Variants in TBX15 observed in about 807,000 individuals in gnomAD.
The protein encoded by TBX15 is T-box transcription factor 15.
TBX15 carries 18 observed loss-of-function variants against 53.9 expected under a neutral mutation model. The ratio of observed to expected loss-of-function variants is 0.33; its 90% CI spans 0.23 to 0.49. The LOEUF is 0.49. TBX15 is among the 20% of genes least tolerant of loss of function. The probability of loss-of-function intolerance (pLI) is 0.98; values close to 1 mark genes in which losing one functional copy is unlikely to be tolerated. For missense variants in TBX15, 692 were observed against 749.5 expected, an observed-to-expected ratio of 0.92 and a Z score of 0.90; for synonymous variants, 295 against 278.0, an observed-to-expected ratio of 1.06 and a Z score of -0.61.
intron 1 of TBX15, among the ~76,000 whole-genome samples, chr1:118,979,310 T>G (rs1053204015): frequency 6.8e-6 from 1 of 146,484 alleles, no homozygotes; most frequent in African/African-American, 2.5e-5. Context: ...ATGCCCGCTT[T>G]CTGGGCGTCA....
At chr1:118,970,762 G>T (rs1657211418) in intron 1 of TBX15, among the ~76,000 whole-genome samples, 1 of 152,066 alleles carries the variant, frequency 6.6e-6, no homozygotes, top group African/African-American at 2.4e-5. Flanking sequence ...CCCTCCATTT[G>T]CTCAGTGATT....
chr1:118,948,637 C>A (rs1656417582), intron 1 of TBX15, among the ~76,000 whole-genome samples: 1 of 152,194 alleles, frequency 6.6e-6, no homozygotes, highest in South Asian at 2.1e-4. Flanking sequence ...ACTGTTGTGG[C>A]AGGACTCAAT....
chr1:118,923,742 A>G, intron 4 of TBX15, 139 bp from the exon 5 acceptor site: 2 of 1,011,456 alleles, frequency 2.0e-6, no homozygotes, highest in African/African-American at 1.6e-5. Flanking sequence ...ACTAGAAATC[A>G]GTATACTTGC....
At chr1:118,929,496 G>A (rs1655711901) in intron 2 of TBX15, among the ~76,000 whole-genome samples, 1 of 152,162 alleles carries the variant, frequency 6.6e-6, no homozygotes, top group South Asian at 2.1e-4. Flanking sequence ...TACCTGAGAA[G>A]AATTAGATGT....
chr1:118,908,415 A>G (rs1654913913), intron 6 of TBX15, among the ~76,000 whole-genome samples: 1 of 151,174 alleles, frequency 6.6e-6, no homozygotes, highest in Non-Finnish European at 1.5e-5. Context: ...GAGAAAAGCT[A>G]TTTCTCCCTG....
intron 7 of TBX15, among the ~76,000 whole-genome samples, chr1:118,893,693 A>G (rs546428565): frequency 5.3e-5 from 8 of 152,306 alleles, no homozygotes; most frequent in Non-Finnish European, 1.2e-4. Flanking sequence ...TACTTTCTTC[A>G]CTATCCTTTA....
intron 6 of TBX15, among the ~76,000 whole-genome samples, chr1:118,909,475 T>C (rs1172821254): frequency 2.6e-5 from 4 of 152,246 alleles, no homozygotes; most frequent in African/African-American, 9.7e-5. Context: ...AGATCAGTCA[T>C]TCTGGTTCCC....
chr1:118,893,410 G>GAAAGA (rs1654251805), intron 7 of TBX15, among the ~76,000 whole-genome samples: 11 of 66,976 alleles, frequency 1.6e-4, no homozygotes, highest in South Asian at 5.3e-4. Context: ...AGAAAGAAAG[G>GAAAGA]AAGAAGGAAA....
chr1:118,948,160 T>C (rs1656402886), intron 1 of TBX15, among the ~76,000 whole-genome samples: 2 of 152,076 alleles, frequency 1.3e-5, no homozygotes, highest in Admixed American at 1.3e-4. Flanking sequence ...GCTAAGTGCC[T>C]TTTCCTATAT....
rs192074581 is a variant in TBX15, at chr1:118,923,422, G to C, written c.861+14C>G. ...AACAGATGTAGCAGAAGACTCTCAAGGGCCACCTCTTACCTGCTGATTCTG... is the reference window on the plus strand; with the variant it reads ...AACAGATGTAGCAGAAGACTCTCAACGGCCACCTCTTACCTGCTGATTCTG... On this transcript the variant is annotated intron_variant, in intron 5 of 7. Coordinates refer to ENST00000369429, the MANE Select transcript of TBX15 (RefSeq NM_001330677.2). 1,742 of 1,613,660 alleles carry C rather than the reference G, an allele frequency of 1.1e-3. 16 individuals are homozygous for C. In the Admixed American group the frequency reaches 0.016, roughly 15 times the overall value.
intron 1 of TBX15, among the ~76,000 whole-genome samples, chr1:118,944,856 G>C (rs1461768708): frequency 6.6e-6 from 1 of 152,182 alleles, no homozygotes; most frequent in African/African-American, 2.4e-5. Flanking sequence ...ATCTCACAGT[G>C]ACAGGAGATT....
chr1:118,905,439 C>G (rs1779425), intron 6 of TBX15, among the ~76,000 whole-genome samples: 1 of 152,036 alleles, frequency 6.6e-6, no homozygotes, highest in African/African-American at 2.4e-5. Flanking sequence ...CAAGGGAGGG[C>G]GAACAAATAA....
At chr1:118,927,958 G>C (rs1015432228) in intron 2 of TBX15, among the ~76,000 whole-genome samples, 33 of 152,154 alleles carry the variant, frequency 2.2e-4, no homozygotes, top group Admixed American at 1.4e-3. Context: ...AGTTGAGCTG[G>C]GCAGAGCACA....
intron 3 of TBX15, 48 bp from the exon 4 acceptor site, chr1:118,924,865 G>A (rs1434070848): frequency 6.2e-7 from 1 of 1,608,128 alleles, no homozygotes; most frequent in Non-Finnish European, 8.5e-7. Context: ...AGGCAGAGAA[G>A]GGACAGAGGC....
At chr1:118,942,143 GA>G (rs1656196645) in intron 1 of TBX15, among the ~76,000 whole-genome samples, 1 of 152,200 alleles carries the variant, frequency 6.6e-6, no homozygotes, top group Non-Finnish European at 1.5e-5. Flanking sequence ...TGGGCCTAAT[GA>G]AGATATGTCT....
At chr1:118,898,543 G>T (rs565242846) in intron 7 of TBX15, among the ~76,000 whole-genome samples, 7 of 152,194 alleles carry the variant, frequency 4.6e-5, no homozygotes, top group African/African-American at 1.4e-4. Context: ...AAAAAGGAAA[G>T]AACACAAGTT....
chr1:118,909,784 C>A (rs1245393701), intron 6 of TBX15, among the ~76,000 whole-genome samples: 1 of 152,066 alleles, frequency 6.6e-6, no homozygotes, highest in Non-Finnish European at 1.5e-5. Context: ...GGTTTCATCA[C>A]GTTGGCCAGG....
At chr1:118,983,643 C>T (rs1054307475) in intron 1 of TBX15, among the ~76,000 whole-genome samples, 3 of 152,230 alleles carry the variant, frequency 2.0e-5, no homozygotes, top group African/African-American at 7.2e-5. Flanking sequence ...GAGTACCTTG[C>T]GTAAGTCCAC....
intron 7 of TBX15, among the ~76,000 whole-genome samples, chr1:118,888,300 C>T (rs1429861730): frequency 6.6e-6 from 1 of 152,170 alleles, no homozygotes; most frequent in Non-Finnish European, 1.5e-5. Context: ...CAGTTTCTGT[C>T]CTTCTCAGCA....
Sources: allele counts gnomAD v4.1 joint callset (sites outside exome capture counted in the v4.1 genomes callset), GRCh38; gene constraint gnomAD v4.1.1; transcripts MANE v1.5; gene names NCBI Gene and HGNC (gene_info 2026-07-23, HGNC 2026-07-21).